ZFPM2: variants seen among roughly 807,000 people sequenced by gnomAD.
ZFPM2 encodes the protein zinc finger protein, FOG family member 2.
A neutral mutation model predicts 98.6 loss-of-function variants in ZFPM2; 20 were observed. The observed-to-expected ratio is 0.20, with a 90% confidence interval of 0.14 to 0.29. The LOEUF (loss-of-function observed/expected upper bound fraction) is 0.29, where lower values mean the gene tolerates loss of function less well. ZFPM2 is among the 10% of genes least tolerant of loss of function. The pLI is 1.00. For synonymous variants in ZFPM2, 518 were observed against 502.7 expected, an observed-to-expected ratio of 1.03 and a Z score of -0.41; for missense variants, 1,310 against 1,388.6, an observed-to-expected ratio of 0.94 and a Z score of 0.90.
intron 1 of ZFPM2, among the ~76,000 whole-genome samples, chr8:105,343,704 C>T (rs1339242581): frequency 1.3e-5 from 2 of 152,102 alleles, no homozygotes; most frequent in Non-Finnish European, 2.9e-5. Flanking sequence ...CCTGGTTAAC[C>T]ACTTGCTACA....
At chr8:105,656,100 AC>A (rs1463046641) in intron 5 of ZFPM2, among the ~76,000 whole-genome samples, 2 of 152,158 alleles carry the variant, frequency 1.3e-5, no homozygotes, top group African/African-American at 4.8e-5. Context: ...TGGTTAAGGG[AC>A]CAAAAATAAA....
chr8:105,331,251 A>T (rs1055381838), intron 1 of ZFPM2, among the ~76,000 whole-genome samples: 1 of 151,498 alleles, frequency 6.6e-6, no homozygotes, highest in African/African-American at 2.4e-5. Flanking sequence ...AATGGAAAAA[A>T]AGAATCAGGG....
At chr8:105,408,632 T>C (rs566981930) in intron 1 of ZFPM2, among the ~76,000 whole-genome samples, 59 of 152,030 alleles carry the variant, frequency 3.9e-4, no homozygotes, top group African/African-American at 1.3e-3. Flanking sequence ...ATAAAGTTTG[T>C]ATTCCAAACA....
intron 3 of ZFPM2, among the ~76,000 whole-genome samples, chr8:105,458,955 G>A (rs1369809074): frequency 6.6e-6 from 1 of 151,854 alleles, no homozygotes; most frequent in Non-Finnish European, 1.5e-5. Flanking sequence ...TTCTTAATAG[G>A]GTGATAAAGG....
At chr8:105,346,027 TTAAAAA>T (rs1368036509) in intron 1 of ZFPM2, among the ~76,000 whole-genome samples, 1 of 152,170 alleles carries the variant, frequency 6.6e-6, no homozygotes, top group Non-Finnish European at 1.5e-5. Flanking sequence ...TTTCTTGAAC[TTAAAAA>T]TAAGGAAAGA....
At chr8:105,800,115 T>C (rs773401652) in intron 7 of ZFPM2, among the ~76,000 whole-genome samples, 1 of 152,032 alleles carries the variant, frequency 6.6e-6, no homozygotes, top group Non-Finnish European at 1.5e-5. Flanking sequence ...AAAATGAGTA[T>C]TAGATTCATT....
chr8:105,375,993 A>G (rs1347165611), intron 1 of ZFPM2, among the ~76,000 whole-genome samples: 1 of 152,106 alleles, frequency 6.6e-6, no homozygotes, highest in East Asian at 1.9e-4. Context: ...TTAGAGCAAA[A>G]TGTCTTGAAA....
rs111634505 is a variant in ZFPM2, at chr8:105,802,239, G to A, written c.2157G>A (p.Lys719=). The A allele has an allele frequency of 1.5e-5, 25 of 1,613,808 alleles. No homozygotes were observed. Among genetic ancestry groups the A allele is most frequent in the African/African-American group, 1.2e-4 (9 of 74,926 alleles). The change falls in exon 8 of 8, where the codon AAG becomes AAA. Residue 719 remains lysine (K), a synonymous_variant. Transcript: ENST00000407775. Reference sequence around the variant, plus strand: ...CTACACGCCACGACCCTCCACTGAAGAGGTCTGCTTCCAACAAAGTGCCTG... The same window carrying A: ...CTACACGCCACGACCCTCCACTGAAAAGGTCTGCTTCCAACAAAGTGCCTG... ...YCATRHDPPL[K]RSASNKVPAM...
At chr8:105,459,242 C>T (rs936248195) in intron 3 of ZFPM2, among the ~76,000 whole-genome samples, 8 of 152,068 alleles carry the variant, frequency 5.3e-5, no homozygotes, top group African/African-American at 1.7e-4. Flanking sequence ...TTTTATGTTG[C>T]CCCAGCTGAG....
intron 4 of ZFPM2, among the ~76,000 whole-genome samples, chr8:105,613,573 A>C (rs1394795423): frequency 6.6e-6 from 1 of 152,278 alleles, no homozygotes; most frequent in African/African-American, 2.4e-5. Flanking sequence ...TAGTTCTGGT[A>C]GTTTTTGGTA....
At chr8:105,769,457 C>T (rs1175667116) in intron 5 of ZFPM2, among the ~76,000 whole-genome samples, 2 of 152,018 alleles carry the variant, frequency 1.3e-5, no homozygotes, top group Admixed American at 1.3e-4. Context: ...ATGTTCTTCT[C>T]TAGCATAAGA....
chr8:105,660,391 C>T (rs1357306473), intron 5 of ZFPM2, among the ~76,000 whole-genome samples: 1 of 152,122 alleles, frequency 6.6e-6, no homozygotes, highest in Non-Finnish European at 1.5e-5. Flanking sequence ...ACAGCACTTT[C>T]TCTTTCTGTA....
chr8:105,800,840 ATGAAAGTACTT>A (rs1813977816), intron 7 of ZFPM2, among the ~76,000 whole-genome samples, 196 bp from the exon 8 acceptor site: 1 of 152,192 alleles, frequency 6.6e-6, no homozygotes, highest in Non-Finnish European at 1.5e-5. Flanking sequence ...CATAATATTC[ATGAAAGTACTT>A]TGAAAACTAT....
Position 105,398,708 on chromosome 8 carries a change from G to C in ZFPM2, c.41-20436G>C, listed in dbSNP as rs575037698. Among the ~76,000 whole-genome samples the C allele has an allele frequency of 2.6e-5, 4 of 152,200 alleles. No individual in the cohort carries two copies. The East Asian group carries it at 7.7e-4, about 29-fold the overall frequency. ...TCTGAGAGCAGGCAGAGCTCAGATA[G>C]TAATTATTGCTTCCCTGGCCACTCA... On this transcript the variant is annotated intron_variant, in intron 1 of 7. Transcript: ENST00000407775.
At chr8:105,363,648 C>T (rs756664849) in intron 1 of ZFPM2, among the ~76,000 whole-genome samples, 3 of 152,074 alleles carry the variant, frequency 2.0e-5, no homozygotes, top group Non-Finnish European at 4.4e-5. Context: ...CATGCTGTCT[C>T]TTACCATGAG....
chr8:105,399,834 C>T (rs1349417817), intron 1 of ZFPM2, among the ~76,000 whole-genome samples: 5 of 152,034 alleles, frequency 3.3e-5, no homozygotes, highest in African/African-American at 1.2e-4. Flanking sequence ...GGCGCGATCT[C>T]GGCTCACCGC....
intron 5 of ZFPM2, among the ~76,000 whole-genome samples, chr8:105,676,775 A>C (rs1810480899): frequency 1.3e-5 from 2 of 152,110 alleles, no homozygotes. Flanking sequence ...ACTATGAAGT[A>C]AATGTCTTAG....
chr8:105,492,310 G>A (rs1227878980), intron 3 of ZFPM2, among the ~76,000 whole-genome samples: 2 of 152,078 alleles, frequency 1.3e-5, no homozygotes, highest in Non-Finnish European at 2.9e-5. Context: ...AATTACATAT[G>A]TATTTCTCCA....
chr8:105,592,424 G>C (rs73307976), intron 4 of ZFPM2, among the ~76,000 whole-genome samples: 1 of 152,018 alleles, frequency 6.6e-6, no homozygotes, highest in Non-Finnish European at 1.5e-5. Flanking sequence ...TTTTGGTGCA[G>C]TTACATTTGA....
Sources: allele counts gnomAD v4.1 joint callset (sites outside exome capture counted in the v4.1 genomes callset), GRCh38; gene constraint gnomAD v4.1.1; transcripts MANE v1.5; gene names NCBI Gene and HGNC (gene_info 2026-07-23, HGNC 2026-07-21).